USP31: variants seen among roughly 807,000 people sequenced by gnomAD.
The protein encoded by USP31 is ubiquitin specific peptidase 31.
USP31 carries 44 observed loss-of-function variants against 119.4 expected under a neutral mutation model. That is an observed-to-expected ratio of 0.37 (90% CI 0.29 to 0.47). USP31 has a LOEUF of 0.47. Among genes scored for constraint, USP31 ranks in the 20% least tolerant of loss-of-function variants. The pLI is 0.99. For missense variants in USP31, 1,643 were observed against 1,730.2 expected, an observed-to-expected ratio of 0.95 and a Z score of 0.89; for synonymous variants, 749 against 705.6, an observed-to-expected ratio of 1.06 and a Z score of -0.97.
rs1379518425 is a variant in USP31, at chr16:23,106,469, T to C, written c.790A>G (p.Met264Val). ...PPLKPPSETD[M>V]MPEGPSFPVC... The stretch of plus-strand genomic sequence containing the variant: ...GGGAAAGATGGTCCCTCAGGCATCA[T>C]ATCAGTCTCTGATGGTGGCTAAAAA... The change falls in exon 3 of 16, where the codon ATG (methionine) becomes GTG (valine). Residue 264 changes from methionine (M) to valine (V), a missense_variant. Physicochemically the swap from Met to Val is conservative, Grantham distance 21. This residue lies in a region of USP31 where 144 missense variants were observed against 218.0 expected (regional missense o/e 0.66). Transcript: ENST00000219689. 4.3e-6 allele frequency: 7 copies of C among 1,613,082 alleles called. No individual in the cohort carries two copies. Among genetic ancestry groups the C allele is most frequent in the Non-Finnish European group, 5.1e-6 (6 of 1,179,674 alleles).
At chr16:23,132,014 T>A (rs1454039220) in intron 1 of USP31, among the ~76,000 whole-genome samples, 1 of 152,148 alleles carries the variant, frequency 6.6e-6, no homozygotes, top group African/African-American at 2.4e-5. Context: ...TTTGCTACCA[T>A]CCGAACCCAA....
At chr16:23,112,595 T>TA (rs112148052) in intron 1 of USP31, among the ~76,000 whole-genome samples, 1,701 of 148,530 alleles carry the variant, frequency 0.011, 13 homozygotes, top group African/African-American at 0.024. Flanking sequence ...AATAATAATT[T>TA]AAAAAAAAAA....
rs1186649055 is a variant in USP31, at chr16:23,067,909, ACACT to A, written c.*133_*136del. 3 of 1,087,404 alleles carry A rather than the reference ACACT, an allele frequency of 2.8e-6. No homozygotes were observed. The highest frequency in any genetic ancestry group is 3.9e-6 in the Non-Finnish European group (3 of 778,120). The allele number at this position is 1,087,404 out of a possible 1,614,324, so 67.4% of individuals were successfully genotyped here. On this transcript the variant is annotated 3_prime_UTR_variant, in exon 16 of 16. Coordinates refer to ENST00000219689, the MANE Select transcript of USP31 (RefSeq NM_020718.4). ...AATTGAATTAGACACACACACGCAT[ACACT>A]CACACACACACACACAGTCGGGCAC... is the stretch of plus-strand genomic sequence containing the variant.
chr16:23,114,497 A>G (rs1902430204), intron 1 of USP31, among the ~76,000 whole-genome samples: 1 of 152,220 alleles, frequency 6.6e-6, no homozygotes, highest in Non-Finnish European at 1.5e-5. Context: ...CATTCCAAAC[A>G]AATTAACTGA....
chr16:23,102,509 T>A (rs776045585), intron 5 of USP31, 46 bp from the exon 6 acceptor site: 1 of 1,580,086 alleles, frequency 6.3e-7, no homozygotes, highest in South Asian at 1.2e-5. Flanking sequence ...GGAAATTCGA[T>A]ACTAATTGAT....
At chr16:23,088,917 G>A (rs1296948488) in intron 7 of USP31, among the ~76,000 whole-genome samples, 4 of 152,194 alleles carry the variant, frequency 2.6e-5, no homozygotes, top group African/African-American at 9.7e-5. Flanking sequence ...GGGAAGTAGA[G>A]GTGCTAAGAT....
chr16:23,081,645 T>C (rs773134771), intron 12 of USP31, among the ~76,000 whole-genome samples: 4 of 152,246 alleles, frequency 2.6e-5, no homozygotes, highest in Non-Finnish European at 5.9e-5. Context: ...TCTCTGCTTA[T>C]AACCCTTCAT....
chr16:23,079,087 T>G (rs1410298773), intron 13 of USP31: 2 of 152,210 alleles, frequency 1.3e-5, no homozygotes, highest in Non-Finnish European at 2.9e-5. Flanking sequence ...TAGTGTTTAT[T>G]AGGTACAGAG....
intron 13 of USP31, among the ~76,000 whole-genome samples, chr16:23,075,769 G>C (rs989107582): frequency 6.6e-6 from 1 of 152,172 alleles, no homozygotes; most frequent in Admixed American, 6.5e-5. Context: ...GCTAGAAACA[G>C]TGCAAAATAA....
intron 1 of USP31, among the ~76,000 whole-genome samples, chr16:23,137,899 C>T (rs903548771): frequency 7.2e-5 from 11 of 152,250 alleles, no homozygotes; most frequent in Admixed American, 1.3e-4. Context: ...AACAGTATTA[C>T]AAATGTTCTT....
At chr16:23,106,809 C>A (rs1436995925) in intron 2 of USP31, among the ~76,000 whole-genome samples, 1 of 152,120 alleles carries the variant, frequency 6.6e-6, no homozygotes, top group Non-Finnish European at 1.5e-5. Context: ...TAATCCCCAA[C>A]CACTTTAAAA....
rs1362981114 is a variant in USP31 at position 23,085,676 on chromosome 16, G to A, written c.1623-14C>T. 1 of 1,602,088 alleles carries A rather than the reference G, an allele frequency of 6.2e-7. No individual in the cohort carries two copies. Among genetic ancestry groups the A allele is most frequent in the Non-Finnish European group, 8.5e-7 (1 of 1,170,916 alleles). On this transcript the variant is annotated splice_polypyrimidine_tract_variant and intron_variant, in intron 9 of 15. Coordinates refer to ENST00000219689, the MANE Select transcript of USP31 (RefSeq NM_020718.4). ...GATTTTAATGCCCTATAGAACCAGG[G>A]AAGTGGAGAGGGAAGCCACATATTA...
rs780694602 is a variant in USP31, at chr16:23,069,035, T to C, written c.3070A>G (p.Lys1024Glu). The C allele has an allele frequency of 1.9e-6, 3 of 1,613,370 alleles. No homozygotes were observed. Among genetic ancestry groups the C allele is most frequent in the Non-Finnish European group, 1.7e-6 (2 of 1,180,010 alleles). The change falls in exon 16 of 16, where the codon AAG becomes GAG. Residue 1024 changes from lysine to glutamate, a missense_variant. This residue lies in a region of USP31 where 699 missense variants were observed against 650.9 expected (regional missense o/e 1.07). Transcript: ENST00000219689. ...SLAKKPESTT[K>E]RSPSSKGTSE... ...GTGCCTTTGGAACTGGGGGATCTCTTAGTTGTGCTCTCTGGTTTCTTTGCG... is the reference window on the plus strand; with the variant it reads ...GTGCCTTTGGAACTGGGGGATCTCTCAGTTGTGCTCTCTGGTTTCTTTGCG...
chr16:23,104,069 G>A (rs894204643), intron 5 of USP31, among the ~76,000 whole-genome samples: 5 of 152,154 alleles, frequency 3.3e-5, no homozygotes, highest in African/African-American at 9.7e-5. Context: ...GTTCTGGTCC[G>A]GCCTGTCATC....
chr16:23,130,419 C>T (rs998040899), intron 1 of USP31, among the ~76,000 whole-genome samples: 1 of 150,476 alleles, frequency 6.6e-6, no homozygotes. Flanking sequence ...CACCCCCCCC[C>T]CAACTAATAT....
intron 13 of USP31, 192 bp from the exon 14 acceptor site, chr16:23,074,072 C>T (rs1432399303): frequency 7.7e-6 from 5 of 647,342 alleles, no homozygotes; most frequent in Middle Eastern, 3.2e-4. Flanking sequence ...TTGAGAAATT[C>T]CAAACCATTC....
rs894198720 is a variant in USP31 at position 23,065,556 on chromosome 16, T to C, written c.*2490A>G. 6.6e-6 allele frequency: 1 copy of C among 152,650 alleles called. No homozygotes were observed. Among genetic ancestry groups the C allele is most frequent in the African/African-American group, 2.4e-5 (1 of 41,462 alleles). 9.5% of individuals were successfully genotyped at this position (152,650 alleles called of 1,614,324 possible). ...CTATGGAAATAAAATAGCTTCATGATGTCTAGACAATGCCATGATACTTCC... is the reference window on the plus strand; with the variant it reads ...CTATGGAAATAAAATAGCTTCATGACGTCTAGACAATGCCATGATACTTCC... On this transcript the variant is annotated 3_prime_UTR_variant, in exon 16 of 16. Transcript: ENST00000219689.
intron 6 of USP31, among the ~76,000 whole-genome samples, chr16:23,096,714 G>A (rs907566236): frequency 1.3e-5 from 2 of 152,150 alleles, no homozygotes; most frequent in Non-Finnish European, 2.9e-5. Flanking sequence ...CAACTACATG[G>A]AAACTGAAGA....
rs539341899 is a variant in USP31, at chr16:23,112,502, G to T, written c.634-4319C>A. On this transcript the variant is annotated intron_variant, in intron 1 of 15. Coordinates refer to ENST00000219689, the MANE Select transcript of USP31 (RefSeq NM_020718.4). ...AGGCAGGAGAAATGCTTGAACCCGGGAGGCAGAGGTTGCAGTGAGCTGAGA... is the reference window on the plus strand; with the variant it reads ...AGGCAGGAGAAATGCTTGAACCCGGTAGGCAGAGGTTGCAGTGAGCTGAGA... 4.7e-3 allele frequency among the ~76,000 whole-genome samples: 720 copies of T among 152,186 alleles called. 4 individuals carry two copies. The highest frequency in any genetic ancestry group is 0.014 in the Middle Eastern group (4 of 294).
Sources: allele counts gnomAD v4.1 joint callset (sites outside exome capture counted in the v4.1 genomes callset), GRCh38; gene constraint gnomAD v4.1.1; regional missense constraint gnomAD v4.1.1; transcripts MANE v1.5; gene names NCBI Gene and HGNC (gene_info 2026-07-23, HGNC 2026-07-21).